The following NPEPPS variants were observed in gnomAD, a reference collection of about 807,000 sequenced individuals.
NPEPPS encodes the protein aminopeptidase puromycin sensitive.
A neutral mutation model predicts 115.5 loss-of-function variants in NPEPPS; 14 were observed. The ratio of observed to expected loss-of-function variants is 0.12; its 90% CI spans 0.08 to 0.19. NPEPPS has a LOEUF of 0.19. Ranked by LOEUF, NPEPPS falls within the 10% of genes least tolerant of loss-of-function variation. NPEPPS has a pLI of 1.00. For missense variants in NPEPPS, 523 were observed against 1,110.8 expected (o/e 0.47, Z 7.52); for synonymous variants, 285 against 390.6 (o/e 0.73, Z 3.19).
At chr17:47,527,043 C>T (rs1181762230), upstream of NPEPPS, among the ~76,000 whole-genome samples, 25 of 152,186 alleles carry the variant, frequency 1.6e-4, no homozygotes, top group Non-Finnish European at 3.2e-4. Flanking sequence ...AAAAAAATGC[C>T]TAGGTCCTAA....
chr17:47,616,771 C>T (rs1183708261), intron 19 of NPEPPS, among the ~76,000 whole-genome samples: 2 of 137,178 alleles, frequency 1.5e-5, no homozygotes, highest in South Asian at 2.3e-4. Flanking sequence ...GGCAACAGAG[C>T]GAGACTCCAT....
chr17:47,568,431 A>C (rs1056591441), intron 2 of NPEPPS, among the ~76,000 whole-genome samples: 1 of 152,124 alleles, frequency 6.6e-6, no homozygotes, highest in African/African-American at 2.4e-5. Flanking sequence ...TCGGCCTCCC[A>C]AAATGCTGGG....
At chr17:47,538,300 C>T (rs149972127) in intron 1 of NPEPPS, among the ~76,000 whole-genome samples, 16,611 of 145,020 alleles carry the variant, frequency 0.11, 1,284 homozygotes, top group Non-Finnish European at 0.17. Context: ...CTGCAACCTC[C>T]ACTTCCCTAG....
rs767758975 is a variant in NPEPPS at position 47,590,731 on chromosome 17, T to C, written c.1110T>C (p.His370=). 5 of 1,601,672 alleles carry C rather than the reference T, an allele frequency of 3.1e-6. No homozygotes were observed. The East Asian group carries it at 1.1e-4, about 36-fold the overall frequency. Residue 370 remains histidine (H), a synonymous_variant, in exon 10 of 23, where the codon CAT becomes CAC. Transcript: ENST00000322157. ...TTTGTTTTTAGGAATGGTGGACTCATCTTTGGTTAAATGAAGGTTTTGCAT... is the reference window on the plus strand; with the variant it reads ...TTTGTTTTTAGGAATGGTGGACTCACCTTTGGTTAAATGAAGGTTTTGCAT... The part of the protein sequence containing the change: ...GNLVTMEWWT[H]LWLNEGFASW...
At chr17:47,554,676 A>G (rs1909882815) in intron 2 of NPEPPS, among the ~76,000 whole-genome samples, 1 of 152,124 alleles carries the variant, frequency 6.6e-6, no homozygotes, top group East Asian at 1.9e-4. Flanking sequence ...ATAGTATCTT[A>G]TTGTATTATA....
chr17:47,532,798 ATTG>A (rs1907919324), intron 1 of NPEPPS, among the ~76,000 whole-genome samples: 1 of 152,054 alleles, frequency 6.6e-6, no homozygotes, highest in Non-Finnish European at 1.5e-5. Context: ...TATCTGAAGT[ATTG>A]TTTGATTTTG....
intron 9 of NPEPPS, among the ~76,000 whole-genome samples, chr17:47,589,015 A>G (rs1206925575): frequency 2.0e-5 from 3 of 152,180 alleles, no homozygotes; most frequent in African/African-American, 7.2e-5. Context: ...CTCTGGGCTC[A>G]AGCAATCCTC....
In NPEPPS at chr17:47,619,014, G is replaced by A. The variant is rs1914378166; in HGVS notation, c.2409G>A (p.Glu803=). 6.2e-7 allele frequency: 1 copy of A among 1,611,224 alleles called. No homozygotes were observed. The highest frequency in any genetic ancestry group is 8.5e-7 in the Non-Finnish European group (1 of 1,178,850). Residue 803 remains glutamate, a synonymous_variant, in exon 21 of 23, where the codon GAG becomes GAA. Coordinates refer to ENST00000322157, the MANE Select transcript of NPEPPS (RefSeq NM_006310.4). ...QKVLTFALSE[E]VRPQDTVSVI... ...AGCTCTCTTTCTTTTTTTAGGAAGA[G>A]GTACGTCCACAGGACACTGTATCGG...
intron 1 of NPEPPS, among the ~76,000 whole-genome samples, chr17:47,526,014 C>T (rs1013724816): frequency 1.3e-5 from 2 of 152,070 alleles, no homozygotes; most frequent in African/African-American, 4.8e-5. Flanking sequence ...AGTTTGAGAT[C>T]AGCCTGACCA....
chr17:47,611,170 C>T (rs1363449937), intron 17 of NPEPPS, among the ~76,000 whole-genome samples: 1 of 151,606 alleles, frequency 6.6e-6, no homozygotes, highest in Non-Finnish European at 1.5e-5. Context: ...TTTTAAGAGA[C>T]AGGGTCGGCT....
intron 2 of NPEPPS, among the ~76,000 whole-genome samples, chr17:47,560,688 A>G (rs1910371434): frequency 6.6e-6 from 1 of 152,194 alleles, no homozygotes; most frequent in African/African-American, 2.4e-5. Flanking sequence ...AGCTTTGTGG[A>G]GAAACAAAGT....
At position 47,586,357 on chromosome 17, in the gene NPEPPS, T is replaced by C; in HGVS notation, c.947-8T>C. On this transcript the variant is annotated splice_polypyrimidine_tract_variant and splice_region_variant and intron_variant, in intron 7 of 22. Coordinates refer to ENST00000322157, the MANE Select transcript of NPEPPS (RefSeq NM_006310.4). ...ATATCAATAAATGTTTATATTTATT[T>C]TGTGAAGGTGCCATGGAGAACTGGG... 2 of 1,483,704 alleles carry C rather than the reference T, an allele frequency of 1.3e-6. No individual in the cohort carries two copies. Among genetic ancestry groups the C allele is most frequent in the Non-Finnish European group, 1.8e-6 (2 of 1,105,362 alleles). 91.9% of individuals were successfully genotyped at this position (1,483,704 alleles called of 1,614,324 possible).
intron 22 of NPEPPS, among the ~76,000 whole-genome samples, chr17:47,621,180 CAAAAA>C (rs5820662): frequency 4.7e-5 from 4 of 84,706 alleles, no homozygotes; most frequent in East Asian, 3.2e-4. Context: ...GACCCTGTCT[CAAAAA>C]AAAAAAAAAA....
At chr17:47,589,791 C>T (rs1912392367) in intron 9 of NPEPPS, among the ~76,000 whole-genome samples, 1 of 152,116 alleles carries the variant, frequency 6.6e-6, no homozygotes, top group African/African-American at 2.4e-5. Flanking sequence ...ATAAGCAGTA[C>T]TCTTTCTCAG....
Position 47,622,241 on chromosome 17 carries a change from G to C in NPEPPS, c.*321G>C, listed in dbSNP as rs996745236. 2 of 328,988 alleles carry C rather than the reference G, an allele frequency of 6.1e-6. No individual in the cohort carries two copies. Among genetic ancestry groups the C allele is most frequent in the Admixed American group, 5.9e-5 (1 of 16,934 alleles). The allele number at this position is 328,988 out of a possible 1,614,324, so 20.4% of individuals were successfully genotyped here. A position where few individuals can be genotyped will look rare whatever the true frequency, so the allele number is the denominator to read the frequency against. ...ATTTAACACTCTACTGTTAATGACAGATGTTCTGTTTTTATAACCTACCAA... is the reference window on the plus strand; with the variant it reads ...ATTTAACACTCTACTGTTAATGACACATGTTCTGTTTTTATAACCTACCAA... On this transcript the variant is annotated 3_prime_UTR_variant, in exon 23 of 23. Transcript: ENST00000322157.
At position 47,585,717 on chromosome 17, in the gene NPEPPS, A is replaced by G; in HGVS notation, c.849+17A>G. The G allele has an allele frequency of 6.3e-7, 1 of 1,597,724 alleles. No homozygotes were observed. The stretch of plus-strand genomic sequence containing the variant: ...GCGTTAGAGGTAAATGTACTTGAAG[A>G]GGATTGTTCCAACAGTCCATAACTC... On this transcript the variant is annotated intron_variant, in intron 6 of 22. Transcript: ENST00000322157.
chr17:47,548,156 T>G (rs1198925382), intron 2 of NPEPPS: 2 of 152,146 alleles, frequency 1.3e-5, no homozygotes, highest in African/African-American at 4.8e-5. Context: ...CTCATAACAT[T>G]TATGATTTTT....
intron 1 of NPEPPS, among the ~76,000 whole-genome samples, chr17:47,537,608 G>A (rs1043888899): frequency 5.9e-5 from 9 of 151,914 alleles, no homozygotes; most frequent in Middle Eastern, 3.2e-3. Flanking sequence ...CAGGAGAATT[G>A]CTTGAACTCG....
At chr17:47,615,892 C>T (rs944014111) in intron 19 of NPEPPS, among the ~76,000 whole-genome samples, 1 of 152,172 alleles carries the variant, frequency 6.6e-6, no homozygotes, top group Non-Finnish European at 1.5e-5. Flanking sequence ...AATCATGGTT[C>T]TTCAAGAAGC....
Sources: gnomAD v4.1 joint callset for allele counts (sites outside exome capture counted in the v4.1 genomes callset) on GRCh38, gnomAD v4.1.1 for gene constraint, MANE v1.5 for transcripts, NCBI Gene and HGNC (gene_info 2026-07-23, HGNC 2026-07-21) for gene names.